The following SLC1A2 variants were observed in gnomAD, a reference collection of about 807,000 sequenced individuals.
SLC1A2 encodes excitatory amino acid transporter 2.
In SLC1A2, 15 loss-of-function variants were observed where a neutral mutation model predicts 48.8. The observed-to-expected ratio is 0.31, with a 90% confidence interval of 0.21 to 0.47. The LOEUF is 0.47. SLC1A2 is among the 20% of genes least tolerant of loss of function. The probability of loss-of-function intolerance (pLI) is 0.99; values close to 1 mark genes in which losing one functional copy is unlikely to be tolerated. For missense variants in SLC1A2, 502 were observed against 730.5 expected (o/e 0.69, Z 3.61); for synonymous variants, 279 against 272.6 (o/e 1.02, Z -0.23).
rs1265728379 is a variant in SLC1A2 at position 35,254,774 on chromosome 11, C to T, written c.*6120G>A. 8.8e-6 allele frequency: 4 copies of T among 455,948 alleles called. No homozygotes were observed. Among genetic ancestry groups the T allele is most frequent in the Non-Finnish European group, 1.8e-5 (4 of 226,924 alleles). 28.2% of individuals were successfully genotyped at this position (455,948 alleles called of 1,614,324 possible). On this transcript the variant is annotated 3_prime_UTR_variant, in exon 11 of 11. Transcript: ENST00000278379. ...ACTCTACAAAGCAGTGAGGTCTGTT[C>T]CAATAGCTGGTTTTATTCTCAGCAC... is the stretch of plus-strand genomic sequence containing the variant.
chr11:35,282,907 A>G (rs1850688170), intron 8 of SLC1A2, among the ~76,000 whole-genome samples: 1 of 152,136 alleles, frequency 6.6e-6, no homozygotes. Context: ...TAAGCCCTGC[A>G]AGAGCTTCTT....
chr11:35,398,542 C>CA (rs1341473514), intron 1 of SLC1A2, among the ~76,000 whole-genome samples: 5 of 152,136 alleles, frequency 3.3e-5, no homozygotes, highest in African/African-American at 1.2e-4. Flanking sequence ...GTGAATATCA[C>CA]AAAACTACGT....
At position 35,266,911 on chromosome 11, in the gene SLC1A2, A is replaced by G. The variant is rs996064603; in HGVS notation, c.1422-1153T>C. On this transcript the variant is annotated intron_variant, in intron 9 of 10. Coordinates refer to ENST00000278379, the MANE Select transcript of SLC1A2 (RefSeq NM_004171.4). ...TAGAGAATAATAAGGAAGCTGCACT[A>G]GGAAAAGTCGGGCCTGGCTCCTTTG... Among the ~76,000 whole-genome samples the G allele has an allele frequency of 3.9e-5, 6 of 152,248 alleles. 1 individual carries two copies. Among genetic ancestry groups the G allele is most frequent in the Admixed American group, 3.9e-4 (6 of 15,286 alleles).
chr11:35,311,893 G>GAGA (rs1565233363), intron 4 of SLC1A2, among the ~76,000 whole-genome samples: 4 of 69,270 alleles, frequency 5.8e-5, no homozygotes, highest in East Asian at 5.1e-4. Flanking sequence ...AGAGAGAGAG[G>GAGA]GAGGGAGAGA....
chr11:35,350,154 C>G (rs1293165481), intron 1 of SLC1A2, among the ~76,000 whole-genome samples: 1 of 152,146 alleles, frequency 6.6e-6, no homozygotes, highest in African/African-American at 2.4e-5. Flanking sequence ...TGCCAGAGGC[C>G]CACTACTGGT....
At chr11:35,417,945 G>A (rs1590299184) in intron 1 of SLC1A2, among the ~76,000 whole-genome samples, 1 of 152,298 alleles carries the variant, frequency 6.6e-6, no homozygotes, top group East Asian at 1.9e-4. Flanking sequence ...CTTGAGCCCA[G>A]AGAAGCCCCT....
intron 1 of SLC1A2, among the ~76,000 whole-genome samples, chr11:35,405,174 T>C (rs1855249497): frequency 6.6e-6 from 1 of 152,082 alleles, no homozygotes; most frequent in African/African-American, 2.4e-5. Flanking sequence ...ACCAGAAAAC[T>C]CCAGAAAAGA....
intron 1 of SLC1A2, chr11:35,370,978 G>T: frequency 1.0e-6 from 1 of 985,250 alleles, no homozygotes; most frequent in Non-Finnish European, 1.2e-6. Context: ...TTCTGCCAGG[G>T]TACAGACAGT....
At chr11:35,348,220 G>A (rs1242937876) in intron 1 of SLC1A2, among the ~76,000 whole-genome samples, 1 of 150,626 alleles carries the variant, frequency 6.6e-6, no homozygotes, top group Non-Finnish European at 1.5e-5. Context: ...AAGCAGTCCT[G>A]GGCCATCTGT....
Position 35,358,611 on chromosome 11 carries a change from G to A in SLC1A2, c.18-41095C>T, listed in dbSNP as rs1004586328. On this transcript the variant is annotated intron_variant, in intron 1 of 10. Coordinates refer to ENST00000278379, the MANE Select transcript of SLC1A2 (RefSeq NM_004171.4). ...CTGGTTTCCTGAGTAACTGCTATTT[G>A]CAATTTCTGTTTCATTTGACTTCTT... 2.0e-5 allele frequency among the ~76,000 whole-genome samples: 3 copies of A among 152,100 alleles called. No individual in the cohort carries two copies. The South Asian group carries it at 6.2e-4, about 32-fold the overall frequency.
chr11:35,408,057 C>A (rs893716437), intron 1 of SLC1A2, among the ~76,000 whole-genome samples: 1 of 152,120 alleles, frequency 6.6e-6, no homozygotes, highest in African/African-American at 2.4e-5. Context: ...AATTTAATTT[C>A]TCTCCTGAAT....
intron 7 of SLC1A2, among the ~76,000 whole-genome samples, chr11:35,289,484 T>C (rs1850928391): frequency 6.6e-6 from 1 of 151,928 alleles, no homozygotes; most frequent in Admixed American, 6.6e-5. Flanking sequence ...GGGGAAGAAA[T>C]TGGTCTAATA....
intron 7 of SLC1A2, among the ~76,000 whole-genome samples, chr11:35,289,553 C>T (rs1285178160): frequency 6.6e-6 from 1 of 151,840 alleles, no homozygotes; most frequent in Non-Finnish European, 1.5e-5. Context: ...CAAATTTGGG[C>T]CATGCAAATC....
At chr11:35,416,552 C>T (rs561457714) in intron 1 of SLC1A2, among the ~76,000 whole-genome samples, 19 of 152,280 alleles carry the variant, frequency 1.2e-4, no homozygotes, top group South Asian at 4.1e-4. Context: ...ACATGTTCTG[C>T]GGCTGATAAT....
chr11:35,278,741 G>T (rs1023968916), intron 9 of SLC1A2, among the ~76,000 whole-genome samples: 4 of 152,134 alleles, frequency 2.6e-5, no homozygotes, highest in Non-Finnish European at 5.9e-5. Context: ...TTCTGAGGCT[G>T]GGCACAGTGG....
intron 6 of SLC1A2, among the ~76,000 whole-genome samples, chr11:35,297,227 A>C (rs1023511680): frequency 1.3e-5 from 2 of 152,180 alleles, no homozygotes; most frequent in African/African-American, 4.8e-5. Context: ...AAATCTGATC[A>C]GGTTCTTCAT....
chr11:35,338,552 G>A (rs1385460578), intron 1 of SLC1A2, among the ~76,000 whole-genome samples: 1 of 152,294 alleles, frequency 6.6e-6, no homozygotes, highest in Non-Finnish European at 1.5e-5. Flanking sequence ...AAAGTGGGAA[G>A]GAGGAGCTCT....
chr11:35,283,436 A>G (rs1850705498), intron 8 of SLC1A2, among the ~76,000 whole-genome samples: 1 of 152,136 alleles, frequency 6.6e-6, no homozygotes, highest in Non-Finnish European at 1.5e-5. Context: ...ATTTAGGAGG[A>G]TTTGACTGAA....
intron 1 of SLC1A2, among the ~76,000 whole-genome samples, chr11:35,361,862 A>G (rs961816834): frequency 9.2e-5 from 14 of 152,168 alleles, no homozygotes; most frequent in African/African-American, 3.1e-4. Flanking sequence ...CTGCAGTCTC[A>G]GCTACTCCAA....
Sources: allele counts gnomAD v4.1 joint callset (sites outside exome capture counted in the v4.1 genomes callset), GRCh38; gene constraint gnomAD v4.1.1; transcripts MANE v1.5; gene names NCBI Gene and HGNC (gene_info 2026-07-23, HGNC 2026-07-21).